The following ATRX variants were observed in gnomAD, a reference collection of about 807,000 sequenced individuals.
ATRX encodes the protein chromatin remodeler ATRX.
ATRX carries 12 observed loss-of-function variants against 172.6 expected under a neutral mutation model. The observed-to-expected ratio is 0.07, with a 90% CI of 0.04 to 0.11. The LOEUF (loss-of-function observed/expected upper bound fraction) is 0.11. Ranked by LOEUF, ATRX falls within the 10% of genes least tolerant of loss-of-function variation. The pLI, the probability that ATRX is intolerant of heterozygous loss-of-function variation, is 1.00. For missense variants in ATRX, 1,368 were observed against 1,767.4 expected (o/e 0.77, Z 4.05); for synonymous variants, 674 against 594.7 (o/e 1.13, Z -1.94).
intron 25 of ATRX, among the ~76,000 whole-genome samples, chrX:77,598,464 A>T (rs782463077): frequency 8.9e-6 from 1 of 111,786 alleles, no homozygotes; most frequent in African/African-American, 3.2e-5. Flanking sequence ...AAATTAAAAT[A>T]ATTAATCACC....
At chrX:77,659,587 C>A (rs1380567740) in intron 12 of ATRX, among the ~76,000 whole-genome samples, 1 of 108,961 alleles carries the variant, frequency 9.2e-6, no homozygotes, top group Non-Finnish European at 1.9e-5. Flanking sequence ...CACTTTACCC[C>A]TAAGCATAAG....
chrX:77,554,802 TTTA>T (rs1457696204), intron 30 of ATRX, among the ~76,000 whole-genome samples: 1 of 112,278 alleles, frequency 8.9e-6, no homozygotes, highest in African/African-American at 3.2e-5. Flanking sequence ...TTCTTTCCCT[TTTA>T]AGAATGTTAC....
intron 31 of ATRX, 67 bp downstream of exon 31, chrX:77,523,185 T>C (rs1001204578): frequency 1.0e-5 from 12 of 1,160,062 alleles, no homozygotes; most frequent in Non-Finnish European, 1.4e-5. Flanking sequence ...ATGTGACCCT[T>C]TTCTTCTTCA....
intron 30 of ATRX, among the ~76,000 whole-genome samples, chrX:77,525,243 C>T (rs1194789931): frequency 8.9e-6 from 1 of 111,908 alleles, no homozygotes; most frequent in African/African-American, 3.2e-5. Flanking sequence ...ATGCCACATA[C>T]AATAGGTTTA....
At chrX:77,594,037 G>T in intron 25 of ATRX, 188 bp from the exon 26 acceptor site, 1 of 412,259 alleles carries the variant, frequency 2.4e-6, no homozygotes. Flanking sequence ...GACTATCCCA[G>T]AAGAGTGAGC....
intron 2 of ATRX, among the ~76,000 whole-genome samples, chrX:77,704,148 C>G (rs999656751): frequency 1.8e-5 from 2 of 110,714 alleles, no homozygotes; most frequent in Admixed American, 1.9e-4. Flanking sequence ...AGAGAGGAGG[C>G]CCTAGTATGA....
intron 1 of ATRX, among the ~76,000 whole-genome samples, chrX:77,768,909 T>C (rs1691852940): frequency 8.9e-6 from 1 of 112,017 alleles, no homozygotes. Flanking sequence ...AATGTCTGTC[T>C]GCATGGTTAA....
At chrX:77,627,248 A>C (rs2067908876) in intron 19 of ATRX, among the ~76,000 whole-genome samples, 1 of 111,733 alleles carries the variant, frequency 8.9e-6, no homozygotes, top group African/African-American at 3.2e-5. Context: ...AAAAAATTAA[A>C]TAAAATAAAA....
intron 7 of ATRX, among the ~76,000 whole-genome samples, chrX:77,686,670 A>G (rs2071577485): frequency 9.0e-6 from 1 of 110,772 alleles, no homozygotes; most frequent in Non-Finnish European, 1.9e-5. Context: ...AGCCAAGATC[A>G]CGCCATTGCA....
intron 11 of ATRX, 91 bp from the exon 12 acceptor site, chrX:77,663,649 T>A: frequency 1.3e-6 from 1 of 795,205 alleles, no homozygotes. Flanking sequence ...CTGCAACTTA[T>A]GAAAAAAATC....
chrX:77,662,754 G>A (rs1382043405), intron 12 of ATRX, among the ~76,000 whole-genome samples: 2 of 111,063 alleles, frequency 1.8e-5, no homozygotes, highest in African/African-American at 6.6e-5. Context: ...CTGCAATGGC[G>A]CAATCTCAGC....
chrX:77,522,083 A>T, intron 32 of ATRX, 180 bp downstream of exon 32: 1 of 549,765 alleles, frequency 1.8e-6, no homozygotes, highest in Non-Finnish European at 3.0e-6. Context: ...CTCTGAACAA[A>T]CCACATTTTA....
At chrX:77,728,471 T>G in intron 1 of ATRX, among the ~76,000 whole-genome samples, 1 of 111,911 alleles carries the variant, frequency 8.9e-6, no homozygotes, top group South Asian at 3.7e-4. Context: ...CTATAGAAAC[T>G]TTTGAAATAG....
At chrX:77,648,340 C>G (rs1273151626) in intron 15 of ATRX, among the ~76,000 whole-genome samples, 1 of 111,046 alleles carries the variant, frequency 9.0e-6, no homozygotes, top group Admixed American at 9.6e-5. Flanking sequence ...CAAGACAGAT[C>G]ATATTCTGGC....
At chrX:77,753,836 TG>T (rs2075388490) in intron 1 of ATRX, among the ~76,000 whole-genome samples, 1 of 111,885 alleles carries the variant, frequency 8.9e-6, no homozygotes, top group Non-Finnish European at 1.9e-5. Flanking sequence ...TAGAGAGTTC[TG>T]TAGGTTACTA....
intron 34 of ATRX, among the ~76,000 whole-genome samples, chrX:77,510,911 C>T (rs1450269798): frequency 8.9e-6 from 1 of 112,607 alleles, no homozygotes; most frequent in Non-Finnish European, 1.9e-5. Context: ...GGCTTTGCCA[C>T]CTGATGAATG....
chrX:77,672,897 C>T (rs2070698846), intron 10 of ATRX, among the ~76,000 whole-genome samples: 1 of 111,421 alleles, frequency 9.0e-6, no homozygotes, highest in Non-Finnish European at 1.9e-5. Flanking sequence ...CTTTTGCTCT[C>T]AAAAGCTCAA....
At chrX:77,620,963 A>C (rs1265391996) in intron 19 of ATRX, among the ~76,000 whole-genome samples, 1 of 112,367 alleles carries the variant, frequency 8.9e-6, no homozygotes, top group African/African-American at 3.2e-5. Context: ...GACAAATTTC[A>C]AAAGTTACAC....
chrX:77,717,062 T>G (rs1200113229), intron 2 of ATRX, 69 bp downstream of exon 2: 29 of 878,896 alleles, frequency 3.3e-5, no homozygotes, highest in Non-Finnish European at 4.6e-5. Context: ...AATAAATGGT[T>G]ACCTCCATAA....
Sources: allele counts gnomAD v4.1 joint callset (sites outside exome capture counted in the v4.1 genomes callset), GRCh38; gene constraint gnomAD v4.1.1; transcripts MANE v1.5; gene names NCBI Gene and HGNC (gene_info 2026-07-23, HGNC 2026-07-21).